The following PTPRD variants were observed in gnomAD, a reference collection of about 807,000 sequenced individuals.
PTPRD encodes protein tyrosine phosphatase receptor type D.
A neutral mutation model predicts 214.5 loss-of-function variants in PTPRD; 34 were observed. That is an observed-to-expected ratio of 0.16 (90% CI 0.12 to 0.21). PTPRD has a LOEUF of 0.21. Among genes scored for constraint, PTPRD ranks in the 10% least tolerant of loss-of-function variants. PTPRD has a pLI of 1.00. For missense variants in PTPRD, 2,545 were observed against 2,398.7 expected (o/e 1.06, Z -1.27); for synonymous variants, 1,128 against 845.7 (o/e 1.33, Z -5.79).
intron 3 of PTPRD, among the ~76,000 whole-genome samples, chr9:10,127,153 T>G (rs2098826120): frequency 6.6e-6 from 1 of 151,566 alleles, no homozygotes. Flanking sequence ...TGAGGACAAC[T>G]ATATCCTGAG....
chr9:10,476,035 G>A (rs1163150641), intron 2 of PTPRD, among the ~76,000 whole-genome samples: 4 of 152,070 alleles, frequency 2.6e-5, no homozygotes, highest in Non-Finnish European at 4.4e-5. Flanking sequence ...CATACTGAAT[G>A]GGGAAAAGCT....
intron 2 of PTPRD, among the ~76,000 whole-genome samples, chr9:10,579,375 C>G (rs1289661325): frequency 6.6e-6 from 1 of 152,124 alleles, no homozygotes; most frequent in Admixed American, 6.6e-5. Flanking sequence ...TATTTGGTTT[C>G]CTGTTCCTGT....
At chr9:8,357,391 C>T (rs1362570295) in intron 39 of PTPRD, among the ~76,000 whole-genome samples, 1 of 152,210 alleles carries the variant, frequency 6.6e-6, no homozygotes, top group Admixed American at 6.5e-5. Flanking sequence ...AATGCCTTGG[C>T]AGCCTCACTC....
At chr9:9,005,265 C>A (rs769384592) in intron 11 of PTPRD, among the ~76,000 whole-genome samples, 1 of 152,042 alleles carries the variant, frequency 6.6e-6, no homozygotes, top group Non-Finnish European at 1.5e-5. Flanking sequence ...ATGCAAAACT[C>A]CATCTGAGTG....
chr9:9,800,262 G>C (rs1319823978), intron 5 of PTPRD, among the ~76,000 whole-genome samples: 1 of 152,116 alleles, frequency 6.6e-6, no homozygotes, highest in African/African-American at 2.4e-5. Context: ...TTGAGTCAAG[G>C]AATTCCAGCC....
At chr9:10,408,517 A>C (rs2098400412) in intron 2 of PTPRD, among the ~76,000 whole-genome samples, 1 of 151,662 alleles carries the variant, frequency 6.6e-6, no homozygotes, top group East Asian at 2.0e-4. Flanking sequence ...TAGGAAGAGA[A>C]AGCTGGTATT....
At chr9:10,458,749 T>A (rs1241321209) in intron 2 of PTPRD, among the ~76,000 whole-genome samples, 3 of 152,088 alleles carry the variant, frequency 2.0e-5, no homozygotes, top group African/African-American at 7.2e-5. Flanking sequence ...AGAAAAATTA[T>A]CTGTATTTGC....
At chr9:8,606,908 T>C (rs1344752866) in intron 14 of PTPRD, among the ~76,000 whole-genome samples, 1 of 152,226 alleles carries the variant, frequency 6.6e-6, no homozygotes, top group African/African-American at 2.4e-5. Flanking sequence ...CATCTCTCTC[T>C]GTAGAAGCAG....
At chr9:9,862,202 C>T (rs534552582) in intron 5 of PTPRD, among the ~76,000 whole-genome samples, 1 of 150,928 alleles carries the variant, frequency 6.6e-6, no homozygotes, top group Admixed American at 6.6e-5. Flanking sequence ...GTATTGAGTG[C>T]CATCATTGGA....
chr9:10,416,362 A>G (rs1281910283), intron 2 of PTPRD, among the ~76,000 whole-genome samples: 1 of 151,894 alleles, frequency 6.6e-6, no homozygotes, highest in Non-Finnish European at 1.5e-5. Context: ...CCTTCTCAAA[A>G]AAGCAAAACA....
intron 10 of PTPRD, among the ~76,000 whole-genome samples, chr9:9,145,327 G>A (rs2099866814): frequency 6.6e-6 from 1 of 152,058 alleles, no homozygotes; most frequent in African/African-American, 2.4e-5. Context: ...GCAGGTTTAA[G>A]CTGCCATCAA....
intron 8 of PTPRD, among the ~76,000 whole-genome samples, chr9:9,427,981 A>G (rs1367594878): frequency 1.3e-5 from 2 of 152,218 alleles, no homozygotes; most frequent in African/African-American, 2.4e-5. Flanking sequence ...AAGACCATCA[A>G]TGCTAGGAAG....
At chr9:9,455,366 A>T (rs999580941) in intron 8 of PTPRD, among the ~76,000 whole-genome samples, 1 of 151,670 alleles carries the variant, frequency 6.6e-6, no homozygotes, top group Admixed American at 6.6e-5. Flanking sequence ...AGTGATAATT[A>T]TGTCTCTCTA....
intron 12 of PTPRD, among the ~76,000 whole-genome samples, chr9:8,715,212 C>A (rs970169994): frequency 6.6e-6 from 1 of 152,166 alleles, no homozygotes; most frequent in Non-Finnish European, 1.5e-5. Flanking sequence ...AAAAGCAAAT[C>A]CTACAGCTAC....
chr9:8,710,604 A>G (rs925106006), intron 12 of PTPRD, among the ~76,000 whole-genome samples: 2 of 152,204 alleles, frequency 1.3e-5, no homozygotes, highest in African/African-American at 4.8e-5. Context: ...TGACAGAGTG[A>G]GACCTTGTCT....
intron 3 of PTPRD, among the ~76,000 whole-genome samples, chr9:10,046,820 C>G (rs1252810020): frequency 6.6e-6 from 1 of 151,884 alleles, no homozygotes; most frequent in Non-Finnish European, 1.5e-5. Flanking sequence ...TAGGCAAATG[C>G]CTTCCTTGTT....
chr9:9,453,535 G>A (rs1226199294), intron 8 of PTPRD, among the ~76,000 whole-genome samples: 3 of 151,532 alleles, frequency 2.0e-5, no homozygotes, highest in Non-Finnish European at 3.0e-5. Context: ...TTAAATTACA[G>A]TCTAAGGGGA....
chr9:10,073,394 A>G (rs1421104130), intron 3 of PTPRD, among the ~76,000 whole-genome samples: 1 of 152,110 alleles, frequency 6.6e-6, no homozygotes, highest in Non-Finnish European at 1.5e-5. Flanking sequence ...ACTATACTAT[A>G]GTTGATAAAG....
intron 8 of PTPRD, among the ~76,000 whole-genome samples, chr9:9,562,673 T>C (rs927943585): frequency 6.6e-6 from 1 of 152,178 alleles, no homozygotes; most frequent in Non-Finnish European, 1.5e-5. Flanking sequence ...GGTATCTATA[T>C]GGCTAACACC....
Sources: allele counts gnomAD v4.1 joint callset (sites outside exome capture counted in the v4.1 genomes callset), GRCh38; gene constraint gnomAD v4.1.1; transcripts MANE v1.5; gene names NCBI Gene and HGNC (gene_info 2026-07-23, HGNC 2026-07-21).